The following KHDRBS2 variants were observed in gnomAD, a reference collection of about 807,000 sequenced individuals.
KHDRBS2 encodes KH RNA binding domain containing, signal transduction associated 2.
In KHDRBS2, 26 loss-of-function variants were observed where a neutral mutation model predicts 44.3. That is an observed-to-expected ratio of 0.59 (90% CI 0.43 to 0.81). The LOEUF (loss-of-function observed/expected upper bound fraction) is 0.81, where lower values mean the gene tolerates loss of function less well. Among genes scored for constraint, KHDRBS2 ranks in the 40% least tolerant of loss-of-function variants. The pLI is 0.00. For missense variants in KHDRBS2, 476 were observed against 433.1 expected (o/e 1.10, Z -0.88); for synonymous variants, 194 against 151.1 (o/e 1.28, Z -2.08).
intron 1 of KHDRBS2, among the ~76,000 whole-genome samples, chr6:62,231,145 A>C (rs1347680184): frequency 1.3e-5 from 2 of 152,192 alleles, no homozygotes; most frequent in Non-Finnish European, 2.9e-5. Flanking sequence ...TCTCATAGTC[A>C]ATCACTTTTT....
chr6:61,620,410 G>A, the KHDRBS2 span, among the ~76,000 whole-genome samples: 1,360 of 152,278 alleles, frequency 8.9e-3, 10 homozygotes, highest in Non-Finnish European at 0.014. Flanking sequence ...CTGAGCCAGA[G>A]AGTATACAGT....
At chr6:62,213,996 A>T (rs1170509296) in intron 1 of KHDRBS2, among the ~76,000 whole-genome samples, 1 of 151,752 alleles carries the variant, frequency 6.6e-6, no homozygotes, top group East Asian at 1.9e-4. Flanking sequence ...TAAAATATTT[A>T]GCCATTTAAG....
chr6:61,832,535 C>G (rs1013129926), intron 6 of KHDRBS2, among the ~76,000 whole-genome samples: 4 of 151,412 alleles, frequency 2.6e-5, no homozygotes, highest in Non-Finnish European at 4.4e-5. Context: ...TTATTTTCCT[C>G]AAAGGAAATG....
At chr6:61,907,422 T>C (rs1805237217) in intron 4 of KHDRBS2, among the ~76,000 whole-genome samples, 1 of 152,196 alleles carries the variant, frequency 6.6e-6, no homozygotes, top group Non-Finnish European at 1.5e-5. Context: ...TGATCTCATT[T>C]ATCCATTTTT....
chr6:61,680,891 CT>C lies in KHDRBS2; in HGVS notation c.*71del, dbSNP rs1766222755. 5 of 906,538 alleles carry C rather than the reference CT, an allele frequency of 5.5e-6. No individual in the cohort carries two copies. The highest frequency in any genetic ancestry group is 2.2e-4 in the Middle Eastern group (1 of 4,462). The allele number at this position is 906,538 out of a possible 1,614,324, so 56.2% of individuals were successfully genotyped here. On this transcript the variant is annotated 3_prime_UTR_variant, in exon 9 of 9. Coordinates refer to ENST00000281156, the MANE Select transcript of KHDRBS2 (RefSeq NM_152688.4). ...AAACAAAAAAAGGACTATTACTTGT[CT>C]TGTTGCTGTTTATGTGGAGACCACA... is the stretch of plus-strand genomic sequence containing the variant.
At chr6:61,739,579 A>G (rs1775862937) in intron 6 of KHDRBS2, among the ~76,000 whole-genome samples, 1 of 151,976 alleles carries the variant, frequency 6.6e-6, no homozygotes, top group South Asian at 2.1e-4. Flanking sequence ...TTCCATTTAC[A>G]ATGTTAAGGC....
At chr6:62,269,368 A>G (rs1839715996) in intron 1 of KHDRBS2, among the ~76,000 whole-genome samples, 1 of 152,130 alleles carries the variant, frequency 6.6e-6, no homozygotes. Context: ...CAGAACACAA[A>G]TAACTGCAAC....
intron 4 of KHDRBS2, among the ~76,000 whole-genome samples, chr6:61,933,027 G>A (rs60592001): frequency 0.021 from 3,223 of 152,094 alleles, 64 homozygotes; most frequent in African/African-American, 0.051. Context: ...AAGAAATACC[G>A]GAAACTGGGC....
At chr6:62,111,619 GA>G (rs1244725664) in intron 2 of KHDRBS2, among the ~76,000 whole-genome samples, 1 of 152,090 alleles carries the variant, frequency 6.6e-6, no homozygotes, top group Non-Finnish European at 1.5e-5. Context: ...CTGCAGGATA[GA>G]TACAGCAGCT....
At chr6:62,109,578 T>C (rs1210855020) in intron 2 of KHDRBS2, among the ~76,000 whole-genome samples, 1 of 151,942 alleles carries the variant, frequency 6.6e-6, no homozygotes, top group African/African-American at 2.4e-5. Context: ...ATAGATAAGT[T>C]TGGCAAGGGT....
chr6:62,072,068 G>C (rs1461867565), intron 2 of KHDRBS2, among the ~76,000 whole-genome samples: 1 of 152,152 alleles, frequency 6.6e-6, no homozygotes, highest in Non-Finnish European at 1.5e-5. Context: ...TCCCTTGCAA[G>C]TTGGATTCCT....
intron 1 of KHDRBS2, among the ~76,000 whole-genome samples, chr6:62,234,070 A>G (rs1012676964): frequency 6.6e-6 from 1 of 152,118 alleles, no homozygotes; most frequent in Non-Finnish European, 1.5e-5. Flanking sequence ...TAAAAGCAAT[A>G]TGTTCAGAAA....
chr6:61,928,204 T>C (rs1015725663), intron 4 of KHDRBS2, among the ~76,000 whole-genome samples: 10 of 152,152 alleles, frequency 6.6e-5, no homozygotes, highest in African/African-American at 2.2e-4. Context: ...TGATTGCCTA[T>C]TCAAATGCAG....
chr6:61,673,513 A>G, the KHDRBS2 span, among the ~76,000 whole-genome samples: 1 of 148,926 alleles, frequency 6.7e-6, no homozygotes, highest in Non-Finnish European at 1.5e-5. Context: ...ATGATTGTAT[A>G]TCTAGAAAAC....
At position 62,170,394 on chromosome 6, in the gene KHDRBS2, A is replaced by G. The variant is rs1308783536; in HGVS notation, c.219+6791T>C. ...GAAACGCAGGGATGGAGCTTGATTG[A>G]AGGGGGCTCCTCCAAGGCCTGGGAG... On this transcript the variant is annotated intron_variant, in intron 2 of 8. Transcript: ENST00000281156. Among the ~76,000 whole-genome samples, 8 of 152,078 alleles carry G rather than the reference A, an allele frequency of 5.3e-5. No homozygotes were observed. In the East Asian group the frequency reaches 1.6e-3, roughly 30 times the overall value.
intron 3 of KHDRBS2, among the ~76,000 whole-genome samples, chr6:62,033,151 T>C (rs1607080): frequency 0.82 from 124,256 of 151,720 alleles, 51,370 homozygotes; most frequent in Admixed American, 0.88. Context: ...CACAGGTTAT[T>C]TGAAAATACC....
At chr6:61,932,169 A>G (rs78671963) in intron 4 of KHDRBS2, among the ~76,000 whole-genome samples, 10,930 of 152,236 alleles carry the variant, frequency 0.072, 432 homozygotes, top group Middle Eastern at 0.13. Flanking sequence ...CTGTGCAGGA[A>G]GTCAGCACCC....
intron 6 of KHDRBS2, among the ~76,000 whole-genome samples, chr6:61,733,699 A>G (rs899330885): frequency 2.0e-5 from 3 of 152,190 alleles, no homozygotes; most frequent in African/African-American, 7.2e-5. Context: ...AGTAAATTAC[A>G]CTAACAAAGC....
At chr6:62,147,109 T>G (rs1317773343) in intron 2 of KHDRBS2, among the ~76,000 whole-genome samples, 1 of 151,930 alleles carries the variant, frequency 6.6e-6, no homozygotes, top group Non-Finnish European at 1.5e-5. Context: ...TTGGTTTCTG[T>G]TCAGAAACTG....
Sources: allele counts gnomAD v4.1 joint callset (sites outside exome capture counted in the v4.1 genomes callset), GRCh38; gene constraint gnomAD v4.1.1; transcripts MANE v1.5; gene names NCBI Gene and HGNC (gene_info 2026-07-23, HGNC 2026-07-21).